PDILT: variants seen among roughly 807,000 people sequenced by gnomAD.
The protein encoded by PDILT is protein disulfide-isomerase-like protein of the testis.
Under a neutral mutation model 53.7 loss-of-function variants are expected in PDILT, and 43 were observed. The observed-to-expected ratio is 0.80, with a 90% confidence interval of 0.63 to 1.03. PDILT has a LOEUF of 1.03. Among genes scored for constraint, PDILT ranks in the 50% least tolerant of loss-of-function variants. The pLI, the probability that PDILT is intolerant of heterozygous loss-of-function variation, is 0.00. For missense variants in PDILT, 727 were observed against 712.3 expected (o/e 1.02, Z -0.24); for synonymous variants, 282 against 274.2 (o/e 1.03, Z -0.28).
intron 7 of PDILT, among the ~76,000 whole-genome samples, chr16:20,371,815 A>T (rs1966310389): frequency 6.6e-6 from 1 of 152,172 alleles, no homozygotes; most frequent in Non-Finnish European, 1.5e-5. Flanking sequence ...ATATCCAAAA[A>T]CTTAGAGTAA....
At chr16:20,401,573 G>A (rs1341867662) in intron 1 of PDILT, among the ~76,000 whole-genome samples, 1 of 152,190 alleles carries the variant, frequency 6.6e-6, no homozygotes, top group Non-Finnish European at 1.5e-5. Flanking sequence ...GAAAGGGCCA[G>A]ATCTGCAAAA....
Position 20,369,492 on chromosome 16 carries a change from T to G in PDILT, c.1116A>C (p.Thr372=), listed in dbSNP as rs759701639. Residue 372 remains threonine (T), a splice_region_variant and synonymous_variant, in exon 8 of 12, where the codon ACA becomes ACC. Coordinates refer to ENST00000302451, the MANE Select transcript of PDILT (RefSeq NM_174924.2). ...AAACCTTGTCCAAGAAAAAACCTAC[T>G]GTGGCATTTTTACTCAGGAAGCTGC... ...FGRSFLSKNA[T]KHQSSEEIPK... The G allele has an allele frequency of 5.6e-6, 9 of 1,613,400 alleles. No homozygotes were observed. The East Asian group carries it at 2.0e-4, about 36-fold the overall frequency.
At chr16:20,369,036 C>A (rs2141708608) in intron 8 of PDILT, among the ~76,000 whole-genome samples, 1 of 152,328 alleles carries the variant, frequency 6.6e-6, no homozygotes, top group East Asian at 1.9e-4. Context: ...GCGAAATAGA[C>A]TATGCCCTTT....
intron 7 of PDILT, among the ~76,000 whole-genome samples, chr16:20,372,432 G>C (rs1300532105): frequency 2.0e-5 from 3 of 152,176 alleles, no homozygotes; most frequent in Non-Finnish European, 4.4e-5. Context: ...TCAAACAGCA[G>C]TGGTCTTTCC....
In PDILT at chr16:20,359,315, G is replaced by A; in HGVS notation, c.*4C>T. 6.2e-7 allele frequency: 1 copy of A among 1,611,978 alleles called. No homozygotes were observed. Among genetic ancestry groups the A allele is most frequent in the East Asian group, 2.2e-5 (1 of 44,862 alleles). ...AAGCATCTTTTTTCCTGGTATTGGA[G>A]AAGCTAAAGTTCTTCCTTGACTTTT... On this transcript the variant is annotated 3_prime_UTR_variant, in exon 12 of 12. Coordinates refer to ENST00000302451, the MANE Select transcript of PDILT (RefSeq NM_174924.2).
At chr16:20,397,158 C>T (rs1966671999) in intron 2 of PDILT, among the ~76,000 whole-genome samples, 1 of 152,092 alleles carries the variant, frequency 6.6e-6, no homozygotes, top group Non-Finnish European at 1.5e-5. Flanking sequence ...TATTTTGAGA[C>T]AGGTTCTCGC....
chr16:20,360,944 C>T (rs1319109029), intron 10 of PDILT, among the ~76,000 whole-genome samples: 2 of 152,210 alleles, frequency 1.3e-5, no homozygotes, highest in East Asian at 3.8e-4. Context: ...TATTTAATTT[C>T]TCTGACTCAC....
chr16:20,387,766 A>T (rs1440162175), intron 2 of PDILT, among the ~76,000 whole-genome samples: 1 of 151,994 alleles, frequency 6.6e-6, no homozygotes, highest in Non-Finnish European at 1.5e-5. Flanking sequence ...GATTACAGGC[A>T]TGCACCACCA....
intron 2 of PDILT, among the ~76,000 whole-genome samples, chr16:20,393,335 C>T (rs1306461927): frequency 1.3e-5 from 2 of 152,074 alleles, no homozygotes; most frequent in East Asian, 1.9e-4. Context: ...AGGTATTGCT[C>T]GAAGGGCTTT....
chr16:20,397,028 A>G (rs1712455390), intron 2 of PDILT, among the ~76,000 whole-genome samples: 1 of 152,246 alleles, frequency 6.6e-6, no homozygotes, highest in African/African-American at 2.4e-5. Context: ...AGTGGAAGCC[A>G]ACATCTTCTT....
intron 8 of PDILT, among the ~76,000 whole-genome samples, chr16:20,366,312 C>T (rs538773178): frequency 6.6e-6 from 1 of 152,234 alleles, no homozygotes; most frequent in Admixed American, 6.5e-5. Context: ...CTCTGGCTGA[C>T]AGGCCTCCCC....
Position 20,374,939 on chromosome 16 carries a change from T to G in PDILT, c.564A>C (p.Ala188=), listed in dbSNP as rs1966362951. ...CTTTGATCACATCATAGAACAACTC[T>G]GCTACTTCTTCCTCTAAATCCTATT... The part of the protein sequence containing the change: ...GFFQDLEEEV[A]ELFYDVIKDF... The change falls in exon 5 of 12, where the codon GCA becomes GCC. Residue 188 remains alanine, a synonymous_variant. Coordinates refer to ENST00000302451, the MANE Select transcript of PDILT (RefSeq NM_174924.2). 2 of 1,610,432 alleles carry G rather than the reference T, an allele frequency of 1.2e-6. No individual in the cohort carries two copies. The highest frequency in any genetic ancestry group is 2.7e-5 in the African/African-American group (2 of 74,830).
chr16:20,390,914 C>T (rs1386289510), intron 2 of PDILT: 1 of 152,196 alleles, frequency 6.6e-6, no homozygotes, highest in Non-Finnish European at 1.5e-5. Flanking sequence ...AACACAGGTG[C>T]TTGATAAATG....
Position 20,399,086 on chromosome 16 carries a change from T to A in PDILT, c.202+13A>T. On this transcript the variant is annotated intron_variant, in intron 2 of 11. Transcript: ENST00000302451. ...CCCATCTATCATCCATCACCCAGGA[T>A]GGGGGCACTCACGGAAAAGCACCAT... 2 of 1,614,050 alleles carry A rather than the reference T, an allele frequency of 1.2e-6. No homozygotes were observed.
At position 20,377,928 on chromosome 16, in the gene PDILT, C is replaced by T. The variant is rs776228338; in HGVS notation, c.410-1727G>A. Among the ~76,000 whole-genome samples the T allele has an allele frequency of 4.0e-5, 6 of 151,314 alleles. No individual in the cohort carries two copies. In the South Asian group the frequency reaches 6.2e-4, roughly 16 times the overall value. ...AAGTTCGCACCACCGCACTCCTGCG[C>T]GGGAGATAGGGCAAGACTCTGTCTT... is the stretch of plus-strand genomic sequence containing the variant. On this transcript the variant is annotated intron_variant, in intron 3 of 11. Transcript: ENST00000302451.
At chr16:20,384,044 C>T (rs1966496882) in intron 3 of PDILT, among the ~76,000 whole-genome samples, 1 of 152,168 alleles carries the variant, frequency 6.6e-6, no homozygotes. Flanking sequence ...GACATTGCAT[C>T]CCAAGCCTGT....
chr16:20,373,473 G>A (rs1966337179), intron 5 of PDILT, among the ~76,000 whole-genome samples: 2 of 152,126 alleles, frequency 1.3e-5, no homozygotes, highest in African/African-American at 2.4e-5. Flanking sequence ...AATGATTGAC[G>A]GCTCATTCAT....
At chr16:20,386,541 C>A (rs1482642884) in intron 2 of PDILT, among the ~76,000 whole-genome samples, 1 of 152,130 alleles carries the variant, frequency 6.6e-6, no homozygotes, top group African/African-American at 2.4e-5. Flanking sequence ...GGACAGCTGG[C>A]GAGGGCCCCG....
At chr16:20,363,025 T>C (rs1966128979) in intron 9 of PDILT, among the ~76,000 whole-genome samples, 1 of 131,898 alleles carries the variant, frequency 7.6e-6, no homozygotes, top group East Asian at 2.3e-4. Flanking sequence ...TGAGCCGAGA[T>C]TGCGCCACTG....
Sources: gnomAD v4.1 joint callset for allele counts (sites outside exome capture counted in the v4.1 genomes callset) on GRCh38, gnomAD v4.1.1 for gene constraint, MANE v1.5 for transcripts, NCBI Gene and HGNC (gene_info 2026-07-23, HGNC 2026-07-21) for gene names.